The following VAV1 variants were observed in gnomAD, a reference collection of about 807,000 sequenced individuals.
VAV1 encodes vav guanine nucleotide exchange factor 1.
Under a neutral mutation model 128.1 loss-of-function variants are expected in VAV1, and 33 were observed. That is an observed-to-expected ratio of 0.26 (90% CI 0.20 to 0.34). The LOEUF (loss-of-function observed/expected upper bound fraction) is 0.34, where lower values mean the gene tolerates loss of function less well. VAV1 is among the 10% of genes least tolerant of loss of function. The pLI is 1.00. For missense variants in VAV1, 715 were observed against 1,093.7 expected, an observed-to-expected ratio of 0.65 and a Z score of 4.88; for synonymous variants, 394 against 409.8, an observed-to-expected ratio of 0.96 and a Z score of 0.47.
chr19:6,804,573 C>A (rs574411097), intron 1 of VAV1, among the ~76,000 whole-genome samples: 2 of 151,136 alleles, frequency 1.3e-5, no homozygotes, highest in Non-Finnish European at 3.0e-5. Flanking sequence ...CGTGCCACCA[C>A]GCCTGACTAA....
At position 6,826,089 on chromosome 19, in the gene VAV1, G is replaced by A. The variant is rs896323648; in HGVS notation, c.828-523G>A. ...GTGGTGGCTCACGCCTGTAATTCCAGCACTTTGGGAGGCCGAGGAGGGCAG... is the reference window on the plus strand; with the variant it reads ...GTGGTGGCTCACGCCTGTAATTCCAACACTTTGGGAGGCCGAGGAGGGCAG... On this transcript the variant is annotated intron_variant, in intron 8 of 26. Transcript: ENST00000602142. The surrounding 1 kb of genome is among the most constrained non-coding windows in gnomAD (Gnocchi z 4.1). Among the ~76,000 whole-genome samples, 2 of 152,198 alleles carry A rather than the reference G, an allele frequency of 1.3e-5. No homozygotes were observed. The highest frequency in any genetic ancestry group is 3.9e-4 in the East Asian group (2 of 5,164).
chr19:6,837,837 C>T (rs1375545244), intron 21 of VAV1, among the ~76,000 whole-genome samples: 1 of 152,118 alleles, frequency 6.6e-6, no homozygotes, highest in Admixed American at 6.6e-5. Context: ...AGAGCAAGAG[C>T]CTTCTCATGC....
At chr19:6,784,525 A>C (rs1599619608) in intron 1 of VAV1, among the ~76,000 whole-genome samples, 19 of 125,272 alleles carry the variant, frequency 1.5e-4, no homozygotes, top group East Asian at 2.3e-4. Flanking sequence ...ACAGAGTTTC[A>C]CTCTCTCTCC....
Position 6,828,791 on chromosome 19 carries a change from C to T in VAV1, c.1180-24C>T. 6.2e-7 allele frequency: 1 copy of T among 1,614,106 alleles called. No individual in the cohort carries two copies. Among genetic ancestry groups the T allele is most frequent in the Non-Finnish European group, 8.5e-7 (1 of 1,179,998 alleles). On this transcript the variant is annotated intron_variant, in intron 12 of 26. Coordinates refer to ENST00000602142, the MANE Select transcript of VAV1 (RefSeq NM_005428.4). The surrounding 1 kb of genome is among the most constrained non-coding windows in gnomAD (Gnocchi z 4.5). ...TGGCTCCTTTCTTGGGAGACCCTTG[C>T]TAGACCCCCTGCCTACTGCATAGGA...
intron 21 of VAV1, among the ~76,000 whole-genome samples, chr19:6,841,902 A>G (rs747561694): frequency 1.3e-5 from 2 of 152,020 alleles, no homozygotes; most frequent in Non-Finnish European, 2.9e-5. Context: ...GCCTTATAGT[A>G]GCTGTCCTAA....
rs775123713 is a variant in VAV1 at position 6,825,377 on chromosome 19, C to T, written c.798C>T (p.Leu266=). The change falls in exon 8 of 27, where the codon CTC becomes CTT. Residue 266 remains leucine, a synonymous_variant. Transcript: ENST00000602142. ...EALGTPGAAN[L]YQVFIKYKER... ...TGGGCACCCCTGGCGCAGCCAATCT[C>T]TACCAGGTCTTCATCAAATACAAGG... The T allele has an allele frequency of 3.1e-6, 5 of 1,613,522 alleles. No individual in the cohort carries two copies. In the South Asian group the frequency reaches 5.5e-5, roughly 18 times the overall value.
At chr19:6,827,763 A>ATT (rs11390834) in intron 9 of VAV1, among the ~76,000 whole-genome samples, 49,591 of 145,430 alleles carry the variant, frequency 0.34, 10,157 homozygotes, top group South Asian at 0.44. Context: ...CACGCCAGCT[A>ATT]TTTTTTTTTT....
chr19:6,825,679 G>C (rs372670560), intron 8 of VAV1, among the ~76,000 whole-genome samples: 24 of 152,276 alleles, frequency 1.6e-4, no homozygotes, highest in Admixed American at 1.1e-3. Context: ...TTGACTATAC[G>C]GATGCACACA....
intron 23 of VAV1, among the ~76,000 whole-genome samples, chr19:6,849,777 G>A (rs2144826723): frequency 6.6e-6 from 1 of 152,240 alleles, no homozygotes; most frequent in Admixed American, 6.5e-5. Flanking sequence ...TCTTCTTTAT[G>A]GCTGTATAGT....
In VAV1 at chr19:6,848,089, G is replaced by A; in HGVS notation, c.2104G>A (p.Ala702Thr). The change falls in exon 23 of 27, where the codon GCA becomes ACA. Residue 702 changes from alanine (A) to threonine (T), a missense_variant. By Grantham distance (58) the Ala-to-Thr change is moderately conservative. Transcript: ENST00000602142. ...CTTGGTGCGGCAGAGGGTGAAGGAT[G>A]CAGCAGAATTTGCCATCAGCATTAA... Reference protein sequence around the residue: ...TFLVRQRVKDAAEFAISIKYN... With the variant: ...TFLVRQRVKDTAEFAISIKYN... The A allele has an allele frequency of 6.4e-7, 1 of 1,554,388 alleles. No homozygotes were observed. Among genetic ancestry groups the A allele is most frequent in the Non-Finnish European group, 8.6e-7 (1 of 1,156,778 alleles).
At chr19:6,812,815 G>A (rs1971541816) in intron 1 of VAV1, among the ~76,000 whole-genome samples, 1 of 152,008 alleles carries the variant, frequency 6.6e-6, no homozygotes. Context: ...TAACGATGAT[G>A]GTGATGGTGG....
intron 1 of VAV1, among the ~76,000 whole-genome samples, chr19:6,792,976 TG>T (rs35523506): frequency 6.6e-6 from 1 of 151,856 alleles, no homozygotes; most frequent in African/African-American, 2.4e-5. Flanking sequence ...TCCAGTTGTG[TG>T]GGGGGTCCAG....
At chr19:6,794,896 C>T (rs1971096219) in intron 1 of VAV1, among the ~76,000 whole-genome samples, 1 of 152,116 alleles carries the variant, frequency 6.6e-6, no homozygotes, top group Non-Finnish European at 1.5e-5. Context: ...AACTAGAATG[C>T]TCTGGAGGAT....
intron 19 of VAV1, among the ~76,000 whole-genome samples, chr19:6,835,016 C>A (rs1450043904): frequency 6.6e-6 from 1 of 151,676 alleles, no homozygotes; most frequent in East Asian, 1.9e-4. Flanking sequence ...GCACGCCAAC[C>A]TGGGCAACAG....
At chr19:6,805,801 C>T (rs1047238332) in intron 1 of VAV1, among the ~76,000 whole-genome samples, 2 of 151,110 alleles carry the variant, frequency 1.3e-5, no homozygotes, top group African/African-American at 4.9e-5. Flanking sequence ...AATATTTATT[C>T]ATTTATATGA....
chr19:6,804,052 A>G (rs573567026), intron 1 of VAV1, among the ~76,000 whole-genome samples: 1 of 152,134 alleles, frequency 6.6e-6, no homozygotes, highest in African/African-American at 2.4e-5. Context: ...TAAAAAGATC[A>G]GTAGTTGTCA....
intron 6 of VAV1, among the ~76,000 whole-genome samples, chr19:6,823,309 A>G (rs973462870): frequency 6.6e-6 from 1 of 151,144 alleles, no homozygotes; most frequent in Non-Finnish European, 1.5e-5. Flanking sequence ...TATTTTTAGT[A>G]GAGACGAGGT....
chr19:6,835,914 C>T (rs1488491315), intron 19 of VAV1: 1 of 152,320 alleles, frequency 6.6e-6, no homozygotes, highest in Non-Finnish European at 1.5e-5. Flanking sequence ...CTCCATCGCC[C>T]AGGCTGGAGT....
chr19:6,817,135 G>A (rs983430196), intron 1 of VAV1, among the ~76,000 whole-genome samples: 3 of 150,674 alleles, frequency 2.0e-5, no homozygotes, highest in South Asian at 2.1e-4. Context: ...TGCAACCTCC[G>A]CCTCCTGGTT....
Sources: gnomAD v4.1 joint callset for allele counts (sites outside exome capture counted in the v4.1 genomes callset) on GRCh38, gnomAD v4.1.1 for gene constraint, Gnocchi (gnomAD v3.1) non-coding constraint, MANE v1.5 for transcripts, NCBI Gene and HGNC (gene_info 2026-07-23, HGNC 2026-07-21) for gene names.